SRPX2: variants seen among roughly 807,000 people sequenced by gnomAD.
SRPX2 encodes the protein sushi repeat containing protein X-linked 2.
SRPX2 carries 26 observed loss-of-function variants against 45.3 expected under a neutral mutation model. That is an observed-to-expected ratio of 0.57 (90% CI 0.42 to 0.80). The LOEUF (loss-of-function observed/expected upper bound fraction) is 0.80. Among genes scored for constraint, SRPX2 ranks in the 30% least tolerant of loss-of-function variants. The pLI, the probability that SRPX2 is intolerant of heterozygous loss-of-function variation, is 0.00. For synonymous variants in SRPX2, 125 were observed against 143.7 expected, an observed-to-expected ratio of 0.87 and a Z score of 0.93; for missense variants, 355 against 399.8, an observed-to-expected ratio of 0.89 and a Z score of 0.95.
chrX:100,670,972 G>A lies in SRPX2; in HGVS notation c.1383G>A (p.Arg461=). 1 of 1,209,369 alleles carries A rather than the reference G, an allele frequency of 8.3e-7. No individual in the cohort carries two copies. Among genetic ancestry groups the A allele is most frequent in the Non-Finnish European group, 1.1e-6 (1 of 894,248 alleles). ...AGTTGACCCAGCGTCGGGAGCAAAG[G>A]GACATATGCGAGTGAACTTGAGCCA... ...NQELTQRREQ[R]DICE The change falls in exon 11 of 11, where the codon AGG becomes AGA. Residue 461 remains arginine (R), a synonymous_variant. Coordinates refer to ENST00000373004, the MANE Select transcript of SRPX2 (RefSeq NM_014467.3).
intron 3 of SRPX2, among the ~76,000 whole-genome samples, chrX:100,660,337 A>G (rs924113060): frequency 7.2e-5 from 8 of 111,273 alleles, no homozygotes; most frequent in African/African-American, 2.0e-4. Context: ...GCAAACACTG[A>G]TCTGTACTCT....
At chrX:100,670,153 G>T (rs2147652193) in intron 10 of SRPX2, among the ~76,000 whole-genome samples, 1 of 111,748 alleles carries the variant, frequency 8.9e-6, no homozygotes, top group African/African-American at 3.2e-5. Flanking sequence ...GACAGGTGAT[G>T]GAAGAAGTGG....
intron 3 of SRPX2, among the ~76,000 whole-genome samples, chrX:100,652,436 C>T (rs180764853): frequency 1.7e-3 from 196 of 112,031 alleles, no homozygotes; most frequent in African/African-American, 6.1e-3. Flanking sequence ...TTGTGTGAGT[C>T]ATCAGCTTAG....
At chrX:100,648,555 G>GAA (rs200966777) in intron 2 of SRPX2, among the ~76,000 whole-genome samples, 1 of 110,701 alleles carries the variant, frequency 9.0e-6, no homozygotes, top group African/African-American at 3.3e-5. Context: ...TTGCAAAAAA[G>GAA]AAAAAAAACT....
intron 3 of SRPX2, 117 bp downstream of exon 3, chrX:100,650,982 A>T: frequency 1.8e-6 from 1 of 554,493 alleles, no homozygotes; most frequent in Non-Finnish European, 3.0e-6. Context: ...TAGCACAGGG[A>T]ATCAGGGGCT....
At position 100,664,887 on chromosome X, in the gene SRPX2, G is replaced by A; in HGVS notation, c.469G>A (p.Gly157Ser). 8.3e-7 allele frequency: 1 copy of A among 1,211,111 alleles called. No homozygotes were observed. The highest frequency in any genetic ancestry group is 3.0e-5 in the East Asian group (1 of 33,845). The change falls in exon 5 of 11, where the codon GGT becomes AGT. Residue 157 changes from glycine to serine, a missense_variant. Transcript: ENST00000373004. Reference sequence around the variant, plus strand: ...CTGTTCCAGTGGCTACCACCTGGAAGGTGATCGCAGCCGAATCTGCATGGA... The same window carrying A: ...CTGTTCCAGTGGCTACCACCTGGAAAGTGATCGCAGCCGAATCTGCATGGA... ...YSCSSGYHLE[G>S]DRSRICMEDG...
chrX:100,668,327 CAAAAAAAAAA>C (rs1267822417), intron 9 of SRPX2, among the ~76,000 whole-genome samples: 1 of 34,353 alleles, frequency 2.9e-5, no homozygotes, highest in East Asian at 1.1e-3. Context: ...AGCAGTTTTA[CAAAAAAAAAA>C]AAAAAGAAAA....
At chrX:100,657,209 T>A (rs1433595494) in intron 3 of SRPX2, among the ~76,000 whole-genome samples, 1 of 108,320 alleles carries the variant, frequency 9.2e-6, no homozygotes, top group Non-Finnish European at 1.9e-5. Flanking sequence ...ATTACAGGTG[T>A]GAGCCACCAC....
chrX:100,663,092 G>C (rs1420959616), intron 4 of SRPX2, among the ~76,000 whole-genome samples: 2 of 111,507 alleles, frequency 1.8e-5, no homozygotes, highest in African/African-American at 6.5e-5. Flanking sequence ...ACATCAGTGT[G>C]GTGTAACTGG....
At chrX:100,649,673 C>A (rs984464979) in intron 2 of SRPX2, 4 of 111,604 alleles carry the variant, frequency 3.6e-5, no homozygotes, top group Non-Finnish European at 5.7e-5. Context: ...GGAGCTTCAT[C>A]ATCTGGCCCT....
intron 7 of SRPX2, among the ~76,000 whole-genome samples, chrX:100,666,064 C>T (rs1436541286): frequency 8.9e-6 from 1 of 111,912 alleles, no homozygotes; most frequent in East Asian, 2.8e-4. Flanking sequence ...TTGCTTTTCT[C>T]ATTATAAAAA....
intron 3 of SRPX2, among the ~76,000 whole-genome samples, chrX:100,652,581 G>A (rs758624354): frequency 1.8e-5 from 2 of 111,093 alleles, no homozygotes; most frequent in South Asian, 7.8e-4. Context: ...AAGATATCTG[G>A]GCAGTACCTG....
At chrX:100,656,276 G>A (rs1008374701) in intron 3 of SRPX2, among the ~76,000 whole-genome samples, 2 of 109,899 alleles carry the variant, frequency 1.8e-5, no homozygotes, top group African/African-American at 3.3e-5. Flanking sequence ...TCAAGTCAGG[G>A]TATTTGCGGT....
At chrX:100,669,416 C>T (rs777524738) in intron 10 of SRPX2, 47 bp downstream of exon 10, 6 of 104,594 alleles carry the variant, frequency 5.7e-5, no homozygotes, top group Admixed American at 1.3e-4. Context: ...GGGGCTGGGG[C>T]GGGGGGAGAA....
intron 7 of SRPX2, among the ~76,000 whole-genome samples, chrX:100,666,517 TAAC>T (rs1308898687): frequency 1.8e-5 from 2 of 112,621 alleles, no homozygotes; most frequent in African/African-American, 6.5e-5. Context: ...AGTCTTTTGA[TAAC>T]AACATGTATA....
rs186611188 is a variant in SRPX2 at position 100,664,066 on chromosome X, A to T, written c.356-708A>T. ...CTAAGGCCCTAAATGAGCCCAGAGGATATATGCATTGTCTTTTTTAATTTA... is the reference window on the plus strand; with the variant it reads ...CTAAGGCCCTAAATGAGCCCAGAGGTTATATGCATTGTCTTTTTTAATTTA... On this transcript the variant is annotated intron_variant, in intron 4 of 10. Transcript: ENST00000373004. Among the ~76,000 whole-genome samples, 625 of 111,914 alleles carry T rather than the reference A, an allele frequency of 5.6e-3. 4 individuals carry two copies. Among genetic ancestry groups the T allele is most frequent in the Non-Finnish European group, 9.9e-3 (528 of 53,198 alleles).
chrX:100,668,328 A>C (rs79822304), intron 9 of SRPX2, among the ~76,000 whole-genome samples: 1 of 50,716 alleles, frequency 2.0e-5, no homozygotes, highest in Non-Finnish European at 3.4e-5. Context: ...GCAGTTTTAC[A>C]AAAAAAAAAA....
intron 3 of SRPX2, among the ~76,000 whole-genome samples, chrX:100,661,238 A>G (rs1450117388): frequency 8.9e-6 from 1 of 111,947 alleles, no homozygotes; most frequent in Non-Finnish European, 1.9e-5. Context: ...GCATTTCCCA[A>G]ATGATTAATG....
intron 3 of SRPX2, among the ~76,000 whole-genome samples, chrX:100,656,284 G>A (rs1019412347): frequency 1.8e-5 from 2 of 108,817 alleles, no homozygotes; most frequent in African/African-American, 3.4e-5. Flanking sequence ...GGGTATTTGC[G>A]GTATCCATCA....
Sources: gnomAD v4.1 joint callset for allele counts (sites outside exome capture counted in the v4.1 genomes callset) on GRCh38, gnomAD v4.1.1 for gene constraint, MANE v1.5 for transcripts, NCBI Gene and HGNC (gene_info 2026-07-23, HGNC 2026-07-21) for gene names.